VWA2: variants seen among roughly 807,000 people sequenced by gnomAD.
The protein encoded by VWA2 is von Willebrand factor A domain-containing protein 2.
Under a neutral mutation model 70.4 loss-of-function variants are expected in VWA2, and 73 were observed. That is an observed-to-expected ratio of 1.04 (90% CI 0.86 to 1.26). VWA2 has a LOEUF of 1.26. Ranked by LOEUF, VWA2 falls within the 50% of genes most tolerant of loss-of-function variation. The pLI, the probability that VWA2 is intolerant of heterozygous loss-of-function variation, is 0.00. For synonymous variants in VWA2, 407 were observed against 423.3 expected, an observed-to-expected ratio of 0.96 and a Z score of 0.47; for missense variants, 1,011 against 998.5, an observed-to-expected ratio of 1.01 and a Z score of -0.17.
chr10:114,283,548 G>A (rs537154811), intron 9 of VWA2, among the ~76,000 whole-genome samples: 7 of 152,178 alleles, frequency 4.6e-5, no homozygotes, highest in Admixed American at 1.3e-4. Context: ...GAGGACTTCC[G>A]GTTTGGAAAC....
chr10:114,264,873 C>G (rs1439223310), intron 5 of VWA2, among the ~76,000 whole-genome samples: 1 of 152,146 alleles, frequency 6.6e-6, no homozygotes, highest in Non-Finnish European at 1.5e-5. Flanking sequence ...GCGCTCGTCA[C>G]CATGCCTGGC....
intron 2 of VWA2, among the ~76,000 whole-genome samples, chr10:114,250,802 G>A (rs1219230215): frequency 1.3e-5 from 2 of 152,258 alleles, no homozygotes; most frequent in Admixed American, 6.5e-5. Flanking sequence ...GGGCCTGAAA[G>A]AAGTCTCTGG....
intron 6 of VWA2, among the ~76,000 whole-genome samples, chr10:114,276,615 C>T (rs1457582497): frequency 6.6e-6 from 1 of 152,076 alleles, no homozygotes; most frequent in African/African-American, 2.4e-5. Context: ...CCTCCCACCT[C>T]AGCCACCCAA....
At chr10:114,272,606 C>T (rs2037734558) in intron 5 of VWA2, 134 bp from the exon 6 acceptor site, 1 of 754,268 alleles carries the variant, frequency 1.3e-6, no homozygotes, top group Admixed American at 2.7e-5. Flanking sequence ...GTAGAACTAT[C>T]ACTTTCAGCC....
At chr10:114,267,322 G>C (rs1164910058) in intron 5 of VWA2, among the ~76,000 whole-genome samples, 3 of 151,824 alleles carry the variant, frequency 2.0e-5, no homozygotes, top group Non-Finnish European at 4.4e-5. Flanking sequence ...TCACCATCTT[G>C]GCCAGGCTGG....
intron 8 of VWA2, among the ~76,000 whole-genome samples, chr10:114,279,159 G>A (rs1006379472): frequency 1.3e-5 from 2 of 152,052 alleles, no homozygotes; most frequent in Admixed American, 6.6e-5. Flanking sequence ...TTGGGATATT[G>A]ATTTGGTAAT....
At chr10:114,240,708 A>T (rs1211726141) in intron 1 of VWA2, among the ~76,000 whole-genome samples, 1 of 152,228 alleles carries the variant, frequency 6.6e-6, no homozygotes, top group East Asian at 1.9e-4. Context: ...AGCCACAGGC[A>T]TGAATTTGTA....
At chr10:114,243,809 CACA>C in intron 1 of VWA2, among the ~76,000 whole-genome samples, 1 of 152,080 alleles carries the variant, frequency 6.6e-6, no homozygotes, top group African/African-American at 2.4e-5. Flanking sequence ...CTGGGTAGTG[CACA>C]GTGGAAATTT....
chr10:114,264,329 G>A (rs1359363054), intron 5 of VWA2, among the ~76,000 whole-genome samples: 1 of 152,144 alleles, frequency 6.6e-6, no homozygotes, highest in Admixed American at 6.5e-5. Context: ...ACAAAATACT[G>A]ATTCATGGTA....
chr10:114,262,936 C>T (rs998795602), intron 5 of VWA2, among the ~76,000 whole-genome samples: 15 of 152,178 alleles, frequency 9.9e-5, no homozygotes, highest in Admixed American at 8.5e-4. Context: ...AGCCTTGCTC[C>T]GTATCTTTGA....
chr10:114,270,183 C>T (rs545667329), intron 5 of VWA2, among the ~76,000 whole-genome samples: 73 of 152,196 alleles, frequency 4.8e-4, no homozygotes, highest in African/African-American at 1.7e-3. Flanking sequence ...AACTCCAGTT[C>T]CGACCTCCAC....
In VWA2 at chr10:114,285,974, C is replaced by G; in HGVS notation, c.1033C>G (p.Leu345Val). ...KLSLECRVDL[L>V]FLLDSSAGTT... is the part of the protein sequence containing the mutation. ...GAGCCTGGAATGCAGGGTCGACCTC[C>G]TCTTCCTGCTGGACAGCTCTGCGGG... The change falls in exon 11 of 14, where the codon CTC becomes GTC. Residue 345 changes from leucine (L) to valine (V), a missense_variant. Transcript: ENST00000392982. The G allele has an allele frequency of 3.1e-6, 5 of 1,610,140 alleles. No individual in the cohort carries two copies. Among genetic ancestry groups the G allele is most frequent in the South Asian group, 1.1e-5 (1 of 90,726 alleles).
At chr10:114,284,183 T>C (rs1354155949) in intron 9 of VWA2, among the ~76,000 whole-genome samples, 1 of 152,270 alleles carries the variant, frequency 6.6e-6, no homozygotes, top group African/African-American at 2.4e-5. Flanking sequence ...TGGTTTCCCA[T>C]GTAAACTTTC....
chr10:114,247,999 C>T (rs375066748), intron 1 of VWA2, among the ~76,000 whole-genome samples: 3 of 151,314 alleles, frequency 2.0e-5, no homozygotes, highest in Admixed American at 6.6e-5. Context: ...CCCAGCTACT[C>T]GGGAGGCTGA....
At chr10:114,246,823 C>T (rs1031945936) in intron 1 of VWA2, 12 of 899,348 alleles carry the variant, frequency 1.3e-5, no homozygotes, top group African/African-American at 4.9e-5. Context: ...CAATCTAGAG[C>T]GCTACAAGAA....
intron 6 of VWA2, among the ~76,000 whole-genome samples, chr10:114,275,693 C>T (rs1236258610): frequency 6.6e-6 from 1 of 152,138 alleles, no homozygotes; most frequent in East Asian, 1.9e-4. Context: ...TTTGGGAGGC[C>T]AAGGATGGTG....
Position 114,286,055 on chromosome 10 carries a change from G to A in VWA2, c.1114G>A (p.Ala372Thr). The A allele has an allele frequency of 6.2e-7, 1 of 1,614,194 alleles. No individual in the cohort carries two copies. The highest frequency in any genetic ancestry group is 8.5e-7 in the Non-Finnish European group (1 of 1,180,042). ...AGTCTTCGTGAAGCGGTTTGTGCGGGCCGTGCTGAGCGAGGACTCTCGGGC... is the reference window on the plus strand; with the variant it reads ...AGTCTTCGTGAAGCGGTTTGTGCGGACCGTGCTGAGCGAGGACTCTCGGGC... ...AKVFVKRFVR[A>T]VLSEDSRARV... Residue 372 changes from alanine to threonine, a missense_variant, in exon 11 of 14, where the codon GCC becomes ACC. Transcript: ENST00000392982.
intron 1 of VWA2, among the ~76,000 whole-genome samples, chr10:114,245,581 T>A (rs576241532): frequency 6.6e-6 from 1 of 152,270 alleles, no homozygotes; most frequent in Non-Finnish European, 1.5e-5. Flanking sequence ...GGGGGCTTGT[T>A]CTGCCTCTGT....
rs191991488 is a variant in VWA2, at chr10:114,286,898, C to T, written c.1570+387C>T. On this transcript the variant is annotated intron_variant, in intron 11 of 13. Transcript: ENST00000392982. ...TCCCAGCTCCTTTGATGGCAATCCA[C>T]AGAAAAGTGTGTTCCTGGTGCACAC... 3.6e-4 allele frequency among the ~76,000 whole-genome samples: 55 copies of T among 152,344 alleles called. No homozygotes were observed. The East Asian group carries it at 0.01, about 28-fold the overall frequency.
Sources: allele counts gnomAD v4.1 joint callset (sites outside exome capture counted in the v4.1 genomes callset), GRCh38; gene constraint gnomAD v4.1.1; transcripts MANE v1.5; gene names NCBI Gene and HGNC (gene_info 2026-07-23, HGNC 2026-07-21).